Variants in RPS6KC1 observed in about 807,000 individuals in gnomAD.
RPS6KC1 encodes ribosomal protein S6 kinase C1, also known as inactive ribosomal protein S6 kinase delta-1.
A neutral mutation model predicts 103.8 loss-of-function variants in RPS6KC1; 54 were observed. The observed-to-expected ratio is 0.52, with a 90% confidence interval of 0.42 to 0.65. RPS6KC1 has a LOEUF of 0.65. Among genes scored for constraint, RPS6KC1 ranks in the 30% least tolerant of loss-of-function variants. The pLI, the probability that RPS6KC1 is intolerant of heterozygous loss-of-function variation, is 0.00. For missense variants in RPS6KC1, 1,151 were observed against 1,253.8 expected (o/e 0.92, Z 1.24); for synonymous variants, 439 against 438.7 (o/e 1.00, Z -0.01).
chr1:213,324,634 A>G, the RPS6KC1 span, among the ~76,000 whole-genome samples: 9 of 139,722 alleles, frequency 6.4e-5, no homozygotes, highest in South Asian at 9.1e-4. Context: ...TAGATAACCC[A>G]ACGTTTGATG....
the RPS6KC1 span, among the ~76,000 whole-genome samples, chr1:213,332,717 A>T: frequency 6.2e-3 from 945 of 152,206 alleles, 12 homozygotes; most frequent in African/African-American, 0.019. Flanking sequence ...CTCTGCCCTG[A>T]CCACAGATCA....
At chr1:213,126,826 G>A (rs529742662) in intron 5 of RPS6KC1, among the ~76,000 whole-genome samples, 1 of 152,202 alleles carries the variant, frequency 6.6e-6, no homozygotes, top group South Asian at 2.1e-4. Context: ...GCACTACAAT[G>A]GCAGTGTTGA....
At chr1:213,848,881 T>G in the RPS6KC1 span, among the ~76,000 whole-genome samples, 1 of 152,174 alleles carries the variant, frequency 6.6e-6, no homozygotes, top group Non-Finnish European at 1.5e-5. Flanking sequence ...AGTTTGCATG[T>G]TCAAGGTTTG....
the RPS6KC1 span, among the ~76,000 whole-genome samples, chr1:213,295,517 T>C: frequency 6.6e-6 from 1 of 152,212 alleles, no homozygotes; most frequent in South Asian, 2.1e-4. Context: ...TTGATTCATA[T>C]ATTGGATATA....
the RPS6KC1 span, among the ~76,000 whole-genome samples, chr1:213,700,531 A>C: frequency 6.6e-6 from 1 of 151,390 alleles, no homozygotes; most frequent in African/African-American, 2.4e-5. Flanking sequence ...GACTTTGGCT[A>C]TTCTGGGTCT....
chr1:213,155,786 C>G (rs1041641570), intron 6 of RPS6KC1, among the ~76,000 whole-genome samples: 1 of 152,004 alleles, frequency 6.6e-6, no homozygotes, highest in Non-Finnish European at 1.5e-5. Flanking sequence ...TAGTTGTTAA[C>G]TTGGTGTTCT....
chr1:213,691,502 C>T, the RPS6KC1 span, among the ~76,000 whole-genome samples: 1 of 151,942 alleles, frequency 6.6e-6, no homozygotes, highest in South Asian at 2.1e-4. Flanking sequence ...TATTAGATTC[C>T]ATATTTTAGA....
the RPS6KC1 span, among the ~76,000 whole-genome samples, chr1:213,653,373 C>G: frequency 0.65 from 98,783 of 151,888 alleles, 33,875 homozygotes; most frequent in Non-Finnish European, 0.76. Flanking sequence ...GTGAGAAGAT[C>G]ACTTGCTCTT....
chr1:213,383,679 C>A, the RPS6KC1 span, among the ~76,000 whole-genome samples: 1 of 151,990 alleles, frequency 6.6e-6, no homozygotes, highest in Non-Finnish European at 1.5e-5. Flanking sequence ...TGGATGGGGC[C>A]CTGATCTGAT....
At chr1:213,688,021 A>G in the RPS6KC1 span, among the ~76,000 whole-genome samples, 1 of 151,970 alleles carries the variant, frequency 6.6e-6, no homozygotes, top group African/African-American at 2.4e-5. Flanking sequence ...CTCTCAGATT[A>G]CTCTCAGTTG....
the RPS6KC1 span, among the ~76,000 whole-genome samples, chr1:213,858,494 C>G: frequency 2.0e-5 from 3 of 152,134 alleles, no homozygotes; most frequent in Non-Finnish European, 4.4e-5. Context: ...TCAAAGAGGT[C>G]AGTAACAGTG....
At chr1:213,228,177 A>C (rs1054054115) in intron 8 of RPS6KC1, among the ~76,000 whole-genome samples, 1 of 152,210 alleles carries the variant, frequency 6.6e-6, no homozygotes, top group East Asian at 1.9e-4. Context: ...CTAGAGTGAC[A>C]TTTGTGCTGC....
the RPS6KC1 span, among the ~76,000 whole-genome samples, chr1:213,554,957 C>T: frequency 6.6e-6 from 1 of 152,144 alleles, no homozygotes; most frequent in African/African-American, 2.4e-5. Flanking sequence ...ATAGAAGAAT[C>T]CTGACAAATA....
intron 6 of RPS6KC1, among the ~76,000 whole-genome samples, chr1:213,143,883 T>C (rs2087399842): frequency 6.6e-6 from 1 of 151,734 alleles, no homozygotes; most frequent in African/African-American, 2.4e-5. Flanking sequence ...TTGTCTTTTC[T>C]AGCTTCTGGT....
At chr1:213,378,116 G>A in the RPS6KC1 span, among the ~76,000 whole-genome samples, 42 of 152,224 alleles carry the variant, frequency 2.8e-4, no homozygotes, top group South Asian at 2.1e-4. Flanking sequence ...CTGAGGAACT[G>A]AGGTACGCTG....
the RPS6KC1 span, among the ~76,000 whole-genome samples, chr1:213,421,969 T>C: frequency 1.3e-5 from 2 of 152,244 alleles, no homozygotes; most frequent in African/African-American, 4.8e-5. Flanking sequence ...AGACCCCAAG[T>C]TCCTAGAGGA....
the RPS6KC1 span, among the ~76,000 whole-genome samples, chr1:213,638,317 T>A: frequency 3.1e-3 from 477 of 152,232 alleles, 4 homozygotes; most frequent in African/African-American, 0.011. Context: ...TTTCTCCCAG[T>A]CTGTAGTTTG....
the RPS6KC1 span, among the ~76,000 whole-genome samples, chr1:213,807,176 T>C: frequency 6.6e-6 from 1 of 151,182 alleles, no homozygotes; most frequent in African/African-American, 2.4e-5. Context: ...CTTCCCTTTG[T>C]GGGTAACCTG....
At chr1:213,604,524 G>A in the RPS6KC1 span, among the ~76,000 whole-genome samples, 1 of 152,098 alleles carries the variant, frequency 6.6e-6, no homozygotes, top group Non-Finnish European at 1.5e-5. Flanking sequence ...TTGAACCCCC[G>A]CCCTGTGCCC....
Sources: allele counts gnomAD v4.1 joint callset (sites outside exome capture counted in the v4.1 genomes callset), GRCh38; gene constraint gnomAD v4.1.1; transcripts MANE v1.5; gene names NCBI Gene and HGNC (gene_info 2026-07-23, HGNC 2026-07-21).